Variants in SNX2 observed in about 807,000 individuals in gnomAD.
SNX2 encodes sorting nexin-2.
Under a neutral mutation model 69.9 loss-of-function variants are expected in SNX2, and 25 were observed. The ratio of observed to expected loss-of-function variants is 0.36; its 90% CI spans 0.26 to 0.50. The LOEUF (loss-of-function observed/expected upper bound fraction) is 0.50, where lower values mean the gene tolerates loss of function less well. Among genes scored for constraint, SNX2 ranks in the 20% least tolerant of loss-of-function variants. The pLI, the probability that SNX2 is intolerant of heterozygous loss-of-function variation, is 0.97. For missense variants in SNX2, 551 were observed against 613.3 expected, an observed-to-expected ratio of 0.90 and a Z score of 1.07; for synonymous variants, 229 against 200.4, an observed-to-expected ratio of 1.14 and a Z score of -1.20.
At chr5:122,814,818 C>A (rs867355595) in intron 7 of SNX2, among the ~76,000 whole-genome samples, 2 of 151,572 alleles carry the variant, frequency 1.3e-5, no homozygotes, top group African/African-American at 4.9e-5. Flanking sequence ...GGCAGGATCT[C>A]GGCTCACTCC....
At chr5:122,775,279 A>G in intron 1 of SNX2, 68 bp downstream of exon 1, 2 of 1,480,140 alleles carry the variant, frequency 1.4e-6, no homozygotes, top group Non-Finnish European at 1.8e-6. Flanking sequence ...CCCTGCCCCG[A>G]CTTGTCCCTC....
At chr5:122,784,551 ACTG>A (rs1205312840) in intron 1 of SNX2, among the ~76,000 whole-genome samples, 1 of 151,802 alleles carries the variant, frequency 6.6e-6, no homozygotes, top group Non-Finnish European at 1.5e-5. Context: ...TGATTTTCAA[ACTG>A]ATTCAAAAAA....
At chr5:122,801,225 A>G (rs778052932) in intron 3 of SNX2, among the ~76,000 whole-genome samples, 1 of 152,188 alleles carries the variant, frequency 6.6e-6, no homozygotes, top group East Asian at 1.9e-4. Flanking sequence ...AATAATCTGA[A>G]TCTGAAGATT....
rs1004032292 is a variant in SNX2, at chr5:122,787,362, A to G, written c.109-7904A>G. 7.2e-5 allele frequency among the ~76,000 whole-genome samples: 11 copies of G among 152,144 alleles called. 1 individual carries two copies. The highest frequency in any genetic ancestry group is 2.4e-4 in the African/African-American group (10 of 41,426). ...TGGTGAAGCCCTGTCTCTACAAAAA[A>G]TAAAAAAATTAGCTAGACATGGTGG... On this transcript the variant is annotated intron_variant, in intron 1 of 14. Coordinates refer to ENST00000379516, the MANE Select transcript of SNX2 (RefSeq NM_003100.4).
At chr5:122,802,426 A>G (rs1305553024) in intron 5 of SNX2, among the ~76,000 whole-genome samples, 1 of 152,240 alleles carries the variant, frequency 6.6e-6, no homozygotes, top group Non-Finnish European at 1.5e-5. Flanking sequence ...TTGCTTGTGC[A>G]AAAGCCAAAA....
chr5:122,785,290 G>A (rs866983736), intron 1 of SNX2, among the ~76,000 whole-genome samples: 2 of 150,664 alleles, frequency 1.3e-5, no homozygotes, highest in Admixed American at 6.6e-5. Context: ...TGTTGTTGTT[G>A]TTAATTTTAG....
chr5:122,826,236 G>A (rs773618289), intron 12 of SNX2, 43 bp downstream of exon 12: 2 of 1,559,160 alleles, frequency 1.3e-6, no homozygotes, highest in African/African-American at 1.4e-5. Context: ...AGTTTTGCAT[G>A]AGTCATTCAT....
At chr5:122,790,593 A>G (rs1237609609) in intron 1 of SNX2, among the ~76,000 whole-genome samples, 1 of 152,232 alleles carries the variant, frequency 6.6e-6, no homozygotes, top group East Asian at 1.9e-4. Context: ...ACAGTCATTT[A>G]TAACCTAATG....
intron 6 of SNX2, among the ~76,000 whole-genome samples, chr5:122,806,916 A>G (rs1753671406): frequency 6.6e-6 from 1 of 152,186 alleles, no homozygotes; most frequent in South Asian, 2.1e-4. Context: ...CAAACTGAAG[A>G]ATTGTATGGT....
At chr5:122,824,271 G>A (rs555399314) in intron 11 of SNX2, among the ~76,000 whole-genome samples, 1 of 150,586 alleles carries the variant, frequency 6.6e-6, no homozygotes, top group South Asian at 2.1e-4. Context: ...TCATCACTTA[G>A]TGTTAGTGTT....
intron 11 of SNX2, among the ~76,000 whole-genome samples, chr5:122,823,717 G>GGGGT (rs142129090): frequency 3.3e-5 from 5 of 149,840 alleles, no homozygotes; most frequent in East Asian, 2.0e-4. Context: ...TGTGTATGTG[G>GGGGT]GTGTGTGTGT....
chr5:122,789,788 CTATT>C (rs1420102811), intron 1 of SNX2, among the ~76,000 whole-genome samples: 1 of 152,154 alleles, frequency 6.6e-6, no homozygotes, highest in Non-Finnish European at 1.5e-5. Context: ...CAGGACAAAA[CTATT>C]AGAGAAAAGA....
chr5:122,808,494 A>T (rs529315841), intron 7 of SNX2, 139 bp downstream of exon 7: 3 of 551,992 alleles, frequency 5.4e-6, no homozygotes, highest in African/African-American at 1.9e-5. Flanking sequence ...ACTGCTTTAA[A>T]CTTTTTTAAG....
intron 1 of SNX2, among the ~76,000 whole-genome samples, chr5:122,787,464 G>A (rs1234999201): frequency 6.6e-6 from 1 of 152,032 alleles, no homozygotes; most frequent in Admixed American, 6.6e-5. Context: ...AGGTTGCAGT[G>A]AGCCAAGATT....
chr5:122,809,144 C>T (rs1270846698), intron 7 of SNX2, among the ~76,000 whole-genome samples: 1 of 152,042 alleles, frequency 6.6e-6, no homozygotes, highest in Non-Finnish European at 1.5e-5. Flanking sequence ...AGCTTAACAA[C>T]TGTTTTCATA....
intron 5 of SNX2, among the ~76,000 whole-genome samples, chr5:122,803,111 A>G (rs1581635114): frequency 6.6e-6 from 1 of 152,302 alleles, no homozygotes; most frequent in East Asian, 1.9e-4. Flanking sequence ...GCAGGGGGAA[A>G]TAGGGTAAGT....
chr5:122,823,385 G>A (rs1754068400), intron 11 of SNX2, among the ~76,000 whole-genome samples: 1 of 152,052 alleles, frequency 6.6e-6, no homozygotes, highest in Admixed American at 6.6e-5. Flanking sequence ...GACTTTAGTA[G>A]TCTTACCTTT....
chr5:122,815,748 G>A, intron 7 of SNX2, 148 bp from the exon 8 acceptor site: 2 of 416,156 alleles, frequency 4.8e-6, no homozygotes, highest in Admixed American at 4.4e-5. Context: ...TTAAATTGCT[G>A]TAAGATTCTA....
At chr5:122,829,577 T>A in intron 14 of SNX2, 21 bp from the exon 15 acceptor site, 1 of 1,592,636 alleles carries the variant, frequency 6.3e-7, no homozygotes, top group Non-Finnish European at 8.6e-7. Context: ...GAATAACTTA[T>A]ATTTTAATTA....
Sources: allele counts gnomAD v4.1 joint callset (sites outside exome capture counted in the v4.1 genomes callset), GRCh38; gene constraint gnomAD v4.1.1; transcripts MANE v1.5; gene names NCBI Gene and HGNC (gene_info 2026-07-23, HGNC 2026-07-21).